Variants in ZNF83 observed in about 807,000 individuals in gnomAD.
ZNF83 encodes the protein zinc finger protein 83.
For synonymous variants in ZNF83, 209 were observed against 213.0 expected (o/e 0.98, Z 0.17); for missense variants, 552 against 629.9 (o/e 0.88, Z 1.32).
At chr19:52,624,042 GACTGAC>G (rs907371152) in intron 2 of ZNF83, among the ~76,000 whole-genome samples, 30 of 152,026 alleles carry the variant, frequency 2.0e-4, no homozygotes, top group African/African-American at 6.8e-4. Context: ...CTTTTACCTG[GACTGAC>G]ACTGACACTC....
chr19:52,628,541 T>C (rs1370740504), intron 2 of ZNF83, among the ~76,000 whole-genome samples: 3 of 152,136 alleles, frequency 2.0e-5, no homozygotes, highest in South Asian at 4.1e-4. Context: ...AAGGCAGCCT[T>C]CCCTTGGTGT....
chr19:52,613,445 T>G (rs2060179160), exon 3 of ZNF83: 2 of 1,614,112 alleles, frequency 1.2e-6, no homozygotes, highest in Non-Finnish European at 1.7e-6. Flanking sequence ...TCATCACACT[T>G]ATAAGGTTTC....
exon 3 of ZNF83, chr19:52,612,791 G>T: frequency 2.0e-6 from 1 of 499,994 alleles, no homozygotes. Flanking sequence ...TTTCTCACCA[G>T]CAAGAATTCT....
chr19:52,680,817 T>C (rs1398727788), intron 1 of ZNF83, among the ~76,000 whole-genome samples: 2 of 149,846 alleles, frequency 1.3e-5, no homozygotes, highest in East Asian at 2.0e-4. Flanking sequence ...TTTCACCGTG[T>C]TAGCCAGGAT....
chr19:52,678,031 TCAAAAAACAAAACAAAA>T (rs752976893), intron 1 of ZNF83, among the ~76,000 whole-genome samples: 27 of 151,402 alleles, frequency 1.8e-4, no homozygotes, highest in South Asian at 2.1e-4. Context: ...TGAGACTGTC[TCAAAAAACAAAACAAAA>T]CAAAAAACAA....
chr19:52,638,626 T>C (rs2061236679), upstream of ZNF83, among the ~76,000 whole-genome samples: 1 of 152,212 alleles, frequency 6.6e-6, no homozygotes, highest in Non-Finnish European at 1.5e-5. Context: ...CAAACTAGAA[T>C]GTGAAATGCA....
chr19:52,614,187 A>G, exon 3 of ZNF83: 1 of 1,614,170 alleles, frequency 6.2e-7, no homozygotes, highest in Non-Finnish European at 8.5e-7. Context: ...AGATCTTGCC[A>G]CATATATCAC....
chr19:52,642,426 G>A (rs925862211), upstream of ZNF83, among the ~76,000 whole-genome samples: 3 of 151,736 alleles, frequency 2.0e-5, no homozygotes, highest in East Asian at 3.9e-4. Context: ...GCACCACCAC[G>A]CCTGGCTAAT....
chr19:52,614,152 CTTGCAAGG>C lies in ZNF83; in HGVS notation c.405_412del (p.Asn135LysfsTer13), dbSNP rs747052577. The C allele has an allele frequency of 2.5e-6, 4 of 1,613,994 alleles. No individual in the cohort carries two copies. The East Asian group carries it at 8.9e-5, about 36-fold the overall frequency. ...CTCTCCAGTATGAATTCTTTGATGA[CTTGCAAGG>C]TTTGATTTTTTATTGAAGATCTTGC... On this transcript the variant is annotated frameshift_variant, in exon 3 of 3. Transcript: ENST00000301096.
At chr19:52,658,623 A>G (rs1404271366) in intron 2 of ZNF83, among the ~76,000 whole-genome samples, 1 of 152,186 alleles carries the variant, frequency 6.6e-6, no homozygotes, top group Non-Finnish European at 1.5e-5. Flanking sequence ...AATAGTCACA[A>G]ACCTTTTGGA....
At chr19:52,659,788 A>G (rs2061555007) in intron 2 of ZNF83, among the ~76,000 whole-genome samples, 1 of 152,228 alleles carries the variant, frequency 6.6e-6, no homozygotes, top group Non-Finnish European at 1.5e-5. Context: ...GACCTATAAC[A>G]AACAACATCA....
intron 2 of ZNF83, among the ~76,000 whole-genome samples, chr19:52,659,300 C>T (rs762774852): frequency 1.3e-5 from 2 of 152,058 alleles, no homozygotes; most frequent in Non-Finnish European, 2.9e-5. Flanking sequence ...AGAAGGATTT[C>T]GTGGTCAAGC....
At chr19:52,613,859 T>TA (rs1314544802) in exon 3 of ZNF83, 2 of 1,614,050 alleles carry the variant, frequency 1.2e-6, no homozygotes, top group Non-Finnish European at 1.7e-6. Context: ...CCACATTTGT[T>TA]ACATTCGTAA....
intron 3 of ZNF83, chr19:52,653,938 G>A: frequency 8.9e-7 from 1 of 1,127,244 alleles, no homozygotes; most frequent in Non-Finnish European, 1.3e-6. Context: ...CTGGATTTGT[G>A]TCAATAATGA....
At chr19:52,635,765 T>C (rs11878250) in intron 1 of ZNF83, 60,089 of 151,542 alleles carry the variant, frequency 0.4, 12,300 homozygotes, top group African/African-American at 0.5. Context: ...AAGGCCAAGG[T>C]GGGCAGATTG....
At chr19:52,663,171 A>G (rs981898730) in intron 1 of ZNF83, among the ~76,000 whole-genome samples, 2 of 149,552 alleles carry the variant, frequency 1.3e-5, no homozygotes, top group Non-Finnish European at 3.0e-5. Context: ...TCAAAAAAGG[A>G]AAAAAAAAAT....
intron 1 of ZNF83, among the ~76,000 whole-genome samples, chr19:52,662,051 T>TCCCG (rs1555789041): frequency 1.3e-5 from 2 of 151,790 alleles, no homozygotes; most frequent in East Asian, 3.9e-4. Context: ...ATCAGGGAGG[T>TCCCG]CCTGGGAGCA....
chr19:52,670,872 G>A (rs1460249202), intron 1 of ZNF83, among the ~76,000 whole-genome samples: 1 of 152,258 alleles, frequency 6.6e-6, no homozygotes, highest in Non-Finnish European at 1.5e-5. Flanking sequence ...TAAATACCTG[G>A]GATCAATAGA....
At chr19:52,632,633 C>G (rs1027567660) in intron 2 of ZNF83, among the ~76,000 whole-genome samples, 1 of 142,810 alleles carries the variant, frequency 7.0e-6, no homozygotes, top group African/African-American at 2.7e-5. Flanking sequence ...ACTCTTAACT[C>G]TTAAAGTAAA....
Sources: allele counts gnomAD v4.1 joint callset (sites outside exome capture counted in the v4.1 genomes callset), GRCh38; gene constraint gnomAD v4.1.1; transcripts MANE v1.5; gene names NCBI Gene and HGNC (gene_info 2026-07-23, HGNC 2026-07-21).